The following SSH1 variants were observed in gnomAD, a reference collection of about 807,000 sequenced individuals.
The protein encoded by SSH1 is slingshot protein phosphatase 1, also known as protein phosphatase Slingshot homolog 1.
In SSH1, 43 loss-of-function variants were observed where a neutral mutation model predicts 79.7. That is an observed-to-expected ratio of 0.54 (90% CI 0.42 to 0.70). SSH1 has a LOEUF of 0.70. Among genes scored for constraint, SSH1 ranks in the 30% least tolerant of loss-of-function variants. SSH1 has a pLI of 0.00. For missense variants in SSH1, 1,206 were observed against 1,358.8 expected (o/e 0.89, Z 1.77); for synonymous variants, 599 against 538.3 (o/e 1.11, Z -1.56).
Position 108,800,877 on chromosome 12 carries a change from C to G in SSH1, c.1051G>C (p.Gly351Arg). Reference protein sequence around the residue: ...VTREIDNFFPGLFAYHNIRVY... With the variant: ...VTREIDNFFPRLFAYHNIRVY... ...CGGATGTTATGATATGCAAATAAGC[C>G]AGGAAAAAAATTATCGATTTCTCTG... The change falls in exon 12 of 15, where the codon GGC (glycine) becomes CGC (arginine). Residue 351 changes from glycine to arginine, a missense_variant. This residue lies in a region of SSH1 where 166 missense variants were observed against 262.9 expected (regional missense o/e 0.63). Transcript: ENST00000326495. 1 of 1,613,772 alleles carries G rather than the reference C, an allele frequency of 6.2e-7. No homozygotes were observed. Among genetic ancestry groups the G allele is most frequent in the Non-Finnish European group, 8.5e-7 (1 of 1,179,928 alleles).
chr12:108,818,271 C>T lies in SSH1; in HGVS notation c.257G>A (p.Arg86His), dbSNP rs776265011. The T allele has an allele frequency of 2.7e-5, 43 of 1,613,746 alleles. No individual in the cohort carries two copies. In the South Asian group the frequency reaches 3.4e-4, roughly 13 times the overall value. Residue 86 changes from arginine to histidine, a missense_variant, in exon 4 of 15, where the codon CGT becomes CAT. Transcript: ENST00000326495. ...QHLQVMINLL[R>H]CEDRIKLAVR... Reference sequence around the variant, plus strand: ...TACCAGCTTGATTCTGTCTTCGCAACGCAGAAGGTTGATCATCACCTGAAG... The same window carrying T: ...TACCAGCTTGATTCTGTCTTCGCAATGCAGAAGGTTGATCATCACCTGAAG...
At chr12:108,823,725 TG>T (rs1451679484) in intron 2 of SSH1, among the ~76,000 whole-genome samples, 4 of 152,086 alleles carry the variant, frequency 2.6e-5, no homozygotes, top group African/African-American at 9.7e-5. Context: ...TGGAGTACAG[TG>T]GTGTGATCTC....
intron 5 of SSH1, among the ~76,000 whole-genome samples, chr12:108,813,095 G>C (rs2037700868): frequency 6.6e-6 from 1 of 152,168 alleles, no homozygotes; most frequent in Middle Eastern, 3.4e-3. Flanking sequence ...TAAACTCCTG[G>C]GCTCAAGCAG....
intron 2 of SSH1, chr12:108,826,102 A>C (rs954502556): frequency 5.5e-5 from 25 of 452,716 alleles, no homozygotes; most frequent in Admixed American, 2.7e-4. Context: ...ATTCATACTG[A>C]CCAGAAACCC....
At chr12:108,791,000 C>T (rs2036476640) in intron 14 of SSH1, among the ~76,000 whole-genome samples, 1 of 152,226 alleles carries the variant, frequency 6.6e-6, no homozygotes, top group South Asian at 2.1e-4. Flanking sequence ...GAAGCTCAAA[C>T]CTTGTGGCAG....
intron 13 of SSH1, among the ~76,000 whole-genome samples, chr12:108,793,812 AAAAG>A (rs1213729174): frequency 6.6e-6 from 1 of 152,220 alleles, no homozygotes; most frequent in Admixed American, 6.5e-5. Flanking sequence ...GCGAGGGTTA[AAAAG>A]AGAGAGGTAA....
chr12:108,798,912 G>A, intron 13 of SSH1, 88 bp downstream of exon 13: 2 of 1,476,682 alleles, frequency 1.4e-6, no homozygotes, highest in Non-Finnish European at 1.9e-6. Flanking sequence ...ATGGGAGCAT[G>A]CTCTGCTGCC....
Position 108,787,541 on chromosome 12 carries a change from G to A in SSH1, c.*447C>T, listed in dbSNP as rs541665540. Reference sequence around the variant, plus strand: ...TTCGTGTGTTTTAAAAATAAAAAGCGCAGCGAGAACAGAGGTAGGACTTAA... The same window carrying A: ...TTCGTGTGTTTTAAAAATAAAAAGCACAGCGAGAACAGAGGTAGGACTTAA... On this transcript the variant is annotated 3_prime_UTR_variant, in exon 15 of 15. Transcript: ENST00000326495. 48 of 172,244 alleles carry A rather than the reference G, an allele frequency of 2.8e-4. No individual in the cohort carries two copies. The highest frequency in any genetic ancestry group is 6.8e-4 in the Admixed American group (12 of 17,634). 10.7% of individuals were successfully genotyped at this position (172,244 alleles called of 1,614,324 possible). A position where few individuals can be genotyped will look rare whatever the true frequency, so the allele number is the denominator to read the frequency against.
intron 9 of SSH1, among the ~76,000 whole-genome samples, chr12:108,805,759 A>G (rs1392964950): frequency 6.6e-6 from 1 of 152,176 alleles, no homozygotes; most frequent in Non-Finnish European, 1.5e-5. Flanking sequence ...AGATCCATCC[A>G]GTTGAATCTC....
intron 2 of SSH1, among the ~76,000 whole-genome samples, chr12:108,840,695 C>T (rs7133871): frequency 0.66 from 100,179 of 152,108 alleles, 34,935 homozygotes; most frequent in East Asian, 0.99. Flanking sequence ...TCCAGAGATC[C>T]GACCACAGAA....
chr12:108,792,357 G>GAAC lies in SSH1; in HGVS notation c.1821_1822insGTT (p.Gln607_Leu608insVal). 6.2e-7 allele frequency: 1 copy of GAAC among 1,614,120 alleles called. No individual in the cohort carries two copies. The highest frequency in any genetic ancestry group is 8.5e-7 in the Non-Finnish European group (1 of 1,180,028). On this transcript the variant is annotated inframe_insertion, in exon 14 of 15. Transcript: ENST00000326495. ...TCCGAGTTGAGCAGGTTTTGATCGA[G>GAAC]CTGGGTTGGAAGCTGCCCCCACCTC... is the stretch of plus-strand genomic sequence containing the variant.
intron 14 of SSH1, chr12:108,792,004 G>A (rs1695562195): frequency 1.4e-6 from 2 of 1,398,286 alleles, no homozygotes; most frequent in Admixed American, 3.1e-5. Context: ...TATGAATAAG[G>A]TACATGGGGT....
chr12:108,806,314 A>C lies in SSH1; in HGVS notation c.812T>G (p.Val271Gly), dbSNP rs2037271263. The change falls in exon 9 of 15, where the codon GTG becomes GGG. Residue 271 changes from valine to glycine, a missense_variant. Transcript: ENST00000326495. ...GAGTTGTCTTACCTCTTTGGAAGTCACATTTTCTAGATCCTGGCTCATCAT... is the reference window on the plus strand; with the variant it reads ...GAGTTGTCTTACCTCTTTGGAAGTCCCATTTTCTAGATCCTGGCTCATCAT... ...SIMMSQDLENVTSKEIRNELE... is the reference protein window; with the variant it reads ...SIMMSQDLENGTSKEIRNELE... 1 of 1,614,066 alleles carries C rather than the reference A, an allele frequency of 6.2e-7. No individual in the cohort carries two copies. Among genetic ancestry groups the C allele is most frequent in the African/African-American group, 1.3e-5 (1 of 74,918 alleles).
At chr12:108,853,900 G>A (rs1371879819) in intron 1 of SSH1, among the ~76,000 whole-genome samples, 1 of 150,834 alleles carries the variant, frequency 6.6e-6, no homozygotes, top group African/African-American at 2.5e-5. Context: ...CTCCAGCCTG[G>A]TGAAAGAGCA....
intron 2 of SSH1, among the ~76,000 whole-genome samples, chr12:108,827,733 C>G (rs1470956707): frequency 2.0e-5 from 3 of 152,180 alleles, no homozygotes; most frequent in Non-Finnish European, 2.9e-5. Context: ...AACAAGACCC[C>G]CTTCCGATTC....
At chr12:108,840,864 G>A (rs549137665) in intron 2 of SSH1, among the ~76,000 whole-genome samples, 8 of 152,306 alleles carry the variant, frequency 5.3e-5, no homozygotes, top group South Asian at 2.1e-4. Context: ...TCAGTAGCCC[G>A]GCTGGTTTTC....
At chr12:108,843,441 G>A (rs537296834) in intron 2 of SSH1, among the ~76,000 whole-genome samples, 1 of 152,302 alleles carries the variant, frequency 6.6e-6, no homozygotes, top group African/African-American at 2.4e-5. Flanking sequence ...CTAGTGGGCA[G>A]GGCCAGCTTC....
intron 9 of SSH1, among the ~76,000 whole-genome samples, chr12:108,805,561 AT>A (rs1224378905): frequency 6.6e-6 from 1 of 152,230 alleles, no homozygotes; most frequent in African/African-American, 2.4e-5. Flanking sequence ...AAATGTATTC[AT>A]TAATTAAAAG....
intron 2 of SSH1, among the ~76,000 whole-genome samples, chr12:108,840,177 C>A (rs1432086394): frequency 1.3e-5 from 2 of 152,186 alleles, no homozygotes; most frequent in Non-Finnish European, 2.9e-5. Context: ...ACACTGACTA[C>A]ACCCACAAAG....
Sources: gnomAD v4.1 joint callset for allele counts (sites outside exome capture counted in the v4.1 genomes callset) on GRCh38, gnomAD v4.1.1 for gene constraint, gnomAD v4.1.1 regional missense constraint, MANE v1.5 for transcripts, NCBI Gene and HGNC (gene_info 2026-07-23, HGNC 2026-07-21) for gene names.